TULP4: variants seen among roughly 807,000 people sequenced by gnomAD.
TULP4 encodes TUB like protein 4.
A neutral mutation model predicts 129.0 loss-of-function variants in TULP4; 16 were observed. The ratio of observed to expected loss-of-function variants is 0.12; its 90% CI spans 0.08 to 0.19. TULP4 has a LOEUF of 0.19. Among genes scored for constraint, TULP4 ranks in the 10% least tolerant of loss-of-function variants. The probability of loss-of-function intolerance (pLI) is 1.00; values close to 1 mark genes in which losing one functional copy is unlikely to be tolerated. For synonymous variants in TULP4, 998 were observed against 854.0 expected (o/e 1.17, Z -2.94); for missense variants, 1,842 against 2,059.1 (o/e 0.89, Z 2.04).
intron 1 of TULP4, among the ~76,000 whole-genome samples, chr6:158,339,370 A>G (rs1459323411): frequency 6.6e-6 from 1 of 152,196 alleles, no homozygotes; most frequent in Non-Finnish European, 1.5e-5. Flanking sequence ...CGAAACTAGA[A>G]CCACTAAAGA....
At chr6:158,442,116 G>A (rs1583879745) in intron 3 of TULP4, among the ~76,000 whole-genome samples, 1 of 152,068 alleles carries the variant, frequency 6.6e-6, no homozygotes, top group Non-Finnish European at 1.5e-5. Context: ...TATTAACTCA[G>A]GTCCAGCTTG....
At chr6:158,336,904 G>C (rs1374702704) in intron 1 of TULP4, among the ~76,000 whole-genome samples, 2 of 151,806 alleles carry the variant, frequency 1.3e-5, no homozygotes, top group Non-Finnish European at 2.9e-5. Context: ...TTTTCTTCCT[G>C]ATTTCATAGA....
Position 158,386,880 on chromosome 6 carries a change from T to C in TULP4, c.253-26185T>C, listed in dbSNP as rs1583823367. ...CTGGGAAGTTGTTAGAATGTCTATC[T>C]AGTACACAGTGTTAGCTGTTTCTAG... On this transcript the variant is annotated intron_variant, in intron 1 of 13. Coordinates refer to ENST00000367097, the MANE Select transcript of TULP4 (RefSeq NM_020245.5). 5.3e-5 allele frequency among the ~76,000 whole-genome samples: 8 copies of C among 152,354 alleles called. 2 individuals are homozygous for C. The highest frequency in any genetic ancestry group is 5.2e-4 in the Admixed American group (8 of 15,306).
intron 1 of TULP4, among the ~76,000 whole-genome samples, chr6:158,388,322 CTT>C (rs10650311): frequency 1.2e-5 from 1 of 86,262 alleles, no homozygotes; most frequent in Non-Finnish European, 2.0e-5. Context: ...GCTCGTTTTT[CTT>C]TTTTTTTTTT....
intron 1 of TULP4, among the ~76,000 whole-genome samples, chr6:158,319,532 G>A (rs374291755): frequency 7.2e-5 from 11 of 152,164 alleles, no homozygotes; most frequent in South Asian, 4.1e-4. Flanking sequence ...TTCTGGCCAC[G>A]GAACTAACTA....
upstream of TULP4, among the ~76,000 whole-genome samples, chr6:158,309,864 CAGAGGGAGACCGTGGGAAGAGAGGG>C (rs1239145264): frequency 3.3e-5 from 4 of 119,692 alleles, no homozygotes; most frequent in East Asian, 3.0e-4. Context: ...GGCTTGGCAT[CAGAGGGAGACCGTGGGAAGAGAGGG>C]AGAGGGAGAC....
rs567691268 is a variant in TULP4 at position 158,361,711 on chromosome 6, A to G, written c.252+47443A>G. Among the ~76,000 whole-genome samples, 244 of 152,340 alleles carry G rather than the reference A, an allele frequency of 1.6e-3. 4 individuals are homozygous for G. The highest frequency in any genetic ancestry group is 0.016 in the Admixed American group (243 of 15,296). ...TGAACTATACAGAACTGTAAGAAGT[A>G]AAAGTCTTAGTTTTCCTTCCAGAGA... is the stretch of plus-strand genomic sequence containing the variant. On this transcript the variant is annotated intron_variant, in intron 1 of 13. Coordinates refer to ENST00000367097, the MANE Select transcript of TULP4 (RefSeq NM_020245.5).
chr6:158,445,592 C>T (rs749488959), intron 3 of TULP4, among the ~76,000 whole-genome samples: 14 of 152,040 alleles, frequency 9.2e-5, no homozygotes, highest in Non-Finnish European at 1.3e-4. Flanking sequence ...CTGTGGGGGC[C>T]GTGGTTAGAG....
At chr6:158,464,704 G>A (rs898183468) in intron 6 of TULP4, among the ~76,000 whole-genome samples, 2 of 152,148 alleles carry the variant, frequency 1.3e-5, no homozygotes, top group Admixed American at 6.5e-5. Flanking sequence ...TGGCCCCAAG[G>A]TTCTTGTTAT....
rs1400916613 is a variant in TULP4 at position 158,502,796 on chromosome 6, C to T, written c.3133C>T (p.Pro1045Ser). The change falls in exon 13 of 14, where the codon CCC becomes TCC. Residue 1045 changes from proline to serine, a missense_variant. This residue lies in a region of TULP4 where 1,089 missense variants were observed against 987.1 expected (regional missense o/e 1.10). Transcript: ENST00000367097. ...YTCSQCSGTG[P>S]SSQPGASLAH... ...CTGCAGTCAGTGCAGTGGCACAGGGCCCAGCTCACAGCCCGGAGCCTCCCT... is the reference window on the plus strand; with the variant it reads ...CTGCAGTCAGTGCAGTGGCACAGGGTCCAGCTCACAGCCCGGAGCCTCCCT... 7.5e-6 allele frequency: 12 copies of T among 1,610,308 alleles called. No individual in the cohort carries two copies. Among genetic ancestry groups the T allele is most frequent in the Non-Finnish European group, 1.0e-5 (12 of 1,179,638 alleles).
At chr6:158,323,204 G>A (rs769554724) in intron 1 of TULP4, among the ~76,000 whole-genome samples, 48 of 152,160 alleles carry the variant, frequency 3.2e-4, no homozygotes, top group Non-Finnish European at 5.7e-4. Flanking sequence ...TGTTCTGTGC[G>A]CCTTTTGACT....
intron 4 of TULP4, among the ~76,000 whole-genome samples, chr6:158,450,031 C>G (rs1779132457): frequency 6.6e-6 from 1 of 152,164 alleles, no homozygotes; most frequent in Admixed American, 6.5e-5. Context: ...CGTTCAATAT[C>G]CTCGTTCTAG....
chr6:158,257,643 T>C (rs994135581), intron 1 of TULP4, among the ~76,000 whole-genome samples: 23 of 152,200 alleles, frequency 1.5e-4, no homozygotes, highest in African/African-American at 4.8e-4. Flanking sequence ...TTCTTTCCTG[T>C]AGGAGTTGAT....
intron 1 of TULP4, among the ~76,000 whole-genome samples, chr6:158,348,167 T>G (rs1780357880): frequency 9.9e-6 from 1 of 101,290 alleles, no homozygotes; most frequent in South Asian, 3.8e-4. Flanking sequence ...TTTTTTTTTT[T>G]TTAAGGTTTT....
intron 1 of TULP4, among the ~76,000 whole-genome samples, chr6:158,411,104 C>T (rs1282136536): frequency 1.5e-5 from 2 of 135,642 alleles, no homozygotes; most frequent in African/African-American, 2.9e-5. Context: ...GCTATGCGGT[C>T]GAGGCCAACT....
intron 1 of TULP4, among the ~76,000 whole-genome samples, chr6:158,341,572 CTGTTA>C (rs1224845808): frequency 6.6e-6 from 1 of 152,132 alleles, no homozygotes; most frequent in Non-Finnish European, 1.5e-5. Context: ...TTGCCAGCAT[CTGTTA>C]TTGCCTTTCT....
chr6:158,429,644 C>G, intron 2 of TULP4, 92 bp from the exon 3 acceptor site: 1 of 1,385,878 alleles, frequency 7.2e-7, no homozygotes, highest in South Asian at 1.5e-5. Flanking sequence ...CCATCTTAGC[C>G]AAAAGTCTAA....
At chr6:158,309,259 C>T (rs1163809243), upstream of TULP4, among the ~76,000 whole-genome samples, 5 of 136,176 alleles carry the variant, frequency 3.7e-5, no homozygotes, top group Middle Eastern at 3.6e-3. Context: ...GACGGGGTCG[C>T]GGCCGGGCAG....
Position 158,313,699 on chromosome 6 carries a change from T to G in TULP4, c.-318T>G, listed in dbSNP as rs1779416768. On this transcript the variant is annotated 5_prime_UTR_variant, in exon 1 of 14. Transcript: ENST00000367097. The stretch of plus-strand genomic sequence containing the variant: ...AAACCGTTTCTTGATCACCACTTAA[T>G]TAACGATGCTCTTTCTCCAAAGGAT... 1 of 466,562 alleles carries G rather than the reference T, an allele frequency of 2.1e-6. No homozygotes were observed. Among genetic ancestry groups the G allele is most frequent in the African/African-American group, 2.0e-5 (1 of 50,042 alleles). The allele number at this position is 466,562 out of a possible 1,614,324, so 28.9% of individuals were successfully genotyped here.
Sources: gnomAD v4.1 joint callset for allele counts (sites outside exome capture counted in the v4.1 genomes callset) on GRCh38, gnomAD v4.1.1 for gene constraint, gnomAD v4.1.1 regional missense constraint, MANE v1.5 for transcripts, NCBI Gene and HGNC (gene_info 2026-07-23, HGNC 2026-07-21) for gene names.